MGST1: variants seen among roughly 807,000 people sequenced by gnomAD.
MGST1 encodes the protein glutathione S-transferase 12.
In MGST1, 5 loss-of-function variants were observed where a neutral mutation model predicts 8.9. The ratio of observed to expected loss-of-function variants is 0.56; its 90% CI spans 0.29 to 1.19. MGST1 has a LOEUF of 1.19. Ranked by LOEUF, MGST1 falls within the 50% of genes most tolerant of loss-of-function variation. MGST1 has a pLI of 0.08. For synonymous variants in MGST1, 54 were observed against 67.8 expected (o/e 0.80, Z 1.00); for missense variants, 182 against 187.4 (o/e 0.97, Z 0.17).
chr12:16,570,102 G>T (rs1942763716), intron 4 of MGST1, among the ~76,000 whole-genome samples: 1 of 152,080 alleles, frequency 6.6e-6, no homozygotes, highest in South Asian at 2.1e-4. Flanking sequence ...AATGCTAATT[G>T]GAATATGCTT....
chr12:16,441,691 T>G (rs1255741293), downstream of MGST1, among the ~76,000 whole-genome samples: 2 of 151,844 alleles, frequency 1.3e-5, no homozygotes, highest in Admixed American at 6.6e-5. Flanking sequence ...TGCTGAATAA[T>G]ACTCCATTGT....
At chr12:16,499,467 T>C (rs1219483982) in intron 4 of MGST1, among the ~76,000 whole-genome samples, 3 of 152,178 alleles carry the variant, frequency 2.0e-5, no homozygotes, top group African/African-American at 7.2e-5. Flanking sequence ...CCCTGTTTTT[T>C]GTAGAACTAT....
intron 4 of MGST1, among the ~76,000 whole-genome samples, chr12:16,521,238 C>T (rs1199660398): frequency 6.6e-6 from 1 of 152,044 alleles, no homozygotes; most frequent in African/African-American, 2.4e-5. Context: ...AATCAGTAGA[C>T]TATCTTGTCA....
intron 1 of MGST1, among the ~76,000 whole-genome samples, chr12:16,404,507 T>C (rs1347707181): frequency 6.6e-6 from 1 of 152,016 alleles, no homozygotes; most frequent in East Asian, 1.9e-4. Context: ...TTTATTCTTT[T>C]TTCTCTATTA....
intron 4 of MGST1, among the ~76,000 whole-genome samples, chr12:16,556,588 C>T (rs1942199007): frequency 6.6e-6 from 1 of 152,166 alleles, no homozygotes; most frequent in Admixed American, 6.5e-5. Flanking sequence ...ATAAAGTTTG[C>T]TTAAGAGAAA....
At position 16,513,883 on chromosome 12, in the gene MGST1, A is replaced by G; in HGVS notation, n.483-75645A>G. The G allele has an allele frequency of 1.7e-6, 1 of 602,958 alleles. No individual in the cohort carries two copies. The highest frequency in any genetic ancestry group is 3.2e-6 in the Non-Finnish European group (1 of 312,120). 37.4% of individuals were successfully genotyped at this position (602,958 alleles called of 1,614,324 possible). A position where few individuals can be genotyped will look rare whatever the true frequency, so the allele number is the denominator to read the frequency against. On this transcript the variant is annotated intron_variant and non_coding_transcript_variant, in intron 4 of 4. Transcript: ENST00000538857. This position sits in a 1 kb window ranked among gnomAD's most constrained non-coding sequence, Gnocchi z 4.2. ...ACCAACCTGGGGAAGTCGCACACCC[A>G]TCTTCAGGGATACTGGCATGCAGCT...
In MGST1 at chr12:16,363,430, A is replaced by C. The variant is rs1940087828; in HGVS notation, c.222-365A>C. Reference sequence around the variant, plus strand: ...AGGGTTTTCTTCCTTCGGGAGAAAGAATTTTTATAAAAAGAATCTTGAATT... The same window carrying C: ...AGGGTTTTCTTCCTTCGGGAGAAAGCATTTTTATAAAAAGAATCTTGAATT... On this transcript the variant is annotated intron_variant, in intron 3 of 3. Transcript: ENST00000396210. The surrounding 1 kb of genome is among the most constrained non-coding windows in gnomAD (Gnocchi z 4.6). 6.5e-6 allele frequency: 1 copy of C among 153,202 alleles called. No homozygotes were observed. Among genetic ancestry groups the C allele is most frequent in the African/African-American group, 2.4e-5 (1 of 41,504 alleles). The allele number at this position is 153,202 out of a possible 1,614,324, so 9.5% of individuals were successfully genotyped here.
chr12:16,419,775 A>C (rs1452855331), intron 1 of MGST1, among the ~76,000 whole-genome samples: 2 of 152,148 alleles, frequency 1.3e-5, no homozygotes, highest in Non-Finnish European at 2.9e-5. Flanking sequence ...TGATGGCCGT[A>C]ATCTTTGCCT....
rs11056990 is a variant in MGST1 at position 16,535,409 on chromosome 12, C to T, written n.483-54119C>T. Among the ~76,000 whole-genome samples the T allele has an allele frequency of 8.4e-3, 1,280 of 152,196 alleles. 53 individuals carry two copies. The East Asian group carries it at 0.14, about 16-fold the overall frequency. On this transcript the variant is annotated intron_variant and non_coding_transcript_variant, in intron 4 of 4. Transcript: ENST00000538857. ...GATATTTAGAAATTTGGGGGACCTA[C>T]TAAGAATTATAAAGAGTTTTAGTAT...
rs570204085 is a variant in MGST1, at chr12:16,454,665, C to G, written n.482+71061C>G. ...TTCACATATTTCATTTCTGACGTCA[C>G]AGAATAACCTGTAGAAATGTAGAGG... is the stretch of plus-strand genomic sequence containing the variant. On this transcript the variant is annotated intron_variant and non_coding_transcript_variant, in intron 4 of 4. Coordinates refer to the MGST1 transcript ENST00000538857. Among the ~76,000 whole-genome samples the G allele has an allele frequency of 4.1e-4, 62 of 151,736 alleles. 1 individual carries two copies. Among genetic ancestry groups the G allele is most frequent in the African/African-American group, 1.5e-3 (61 of 41,396 alleles).
chr12:16,542,703 C>T (rs764575292), intron 4 of MGST1, among the ~76,000 whole-genome samples: 4 of 152,130 alleles, frequency 2.6e-5, no homozygotes, highest in Non-Finnish European at 5.9e-5. Context: ...TTTACCAAGC[C>T]GTCTTGACTA....
chr12:16,550,597 G>T (rs1420768123), intron 4 of MGST1: 1 of 152,258 alleles, frequency 6.6e-6, no homozygotes, highest in Non-Finnish European at 1.5e-5. Context: ...AAAATAGGGG[G>T]TTATAACAAG....
chr12:16,501,794 A>G (rs943718210), intron 4 of MGST1, among the ~76,000 whole-genome samples: 1 of 152,180 alleles, frequency 6.6e-6, no homozygotes, highest in Non-Finnish European at 1.5e-5. Context: ...TATCTCCATA[A>G]GAGAATGCTA....
intron 4 of MGST1, among the ~76,000 whole-genome samples, chr12:16,543,773 T>C (rs1474157981): frequency 2.6e-5 from 4 of 152,126 alleles, no homozygotes; most frequent in African/African-American, 4.8e-5. Context: ...GTTCACAGTC[T>C]CAAACAGTTT....
chr12:16,420,372 G>A (rs1296207120), intron 1 of MGST1, among the ~76,000 whole-genome samples: 8 of 152,132 alleles, frequency 5.3e-5, no homozygotes, highest in Non-Finnish European at 8.8e-5. Flanking sequence ...TGGCATGAAA[G>A]CCATTAAACT....
chr12:16,587,850 C>T lies in MGST1; in HGVS notation n.483-1678C>T, dbSNP rs1943369559. On this transcript the variant is annotated intron_variant and non_coding_transcript_variant, in intron 4 of 4. Transcript: ENST00000538857. The surrounding 1 kb of genome is among the most constrained non-coding windows in gnomAD (Gnocchi z 4.3). ...AGAGGAACCTTGTCTCATATTAATG[C>T]TGCCAGTAGCTATGGTATAGTGTTA... 6.6e-6 allele frequency among the ~76,000 whole-genome samples: 1 copy of T among 152,026 alleles called. No homozygotes were observed. Among genetic ancestry groups the T allele is most frequent in the Admixed American group, 6.6e-5 (1 of 15,248 alleles).
rs935384279 is a variant in MGST1, at chr12:16,360,342, C to T, written c.221+2643C>T. 8.1e-6 allele frequency: 8 copies of T among 985,042 alleles called. No homozygotes were observed. The African/African-American group carries it at 1.4e-4, about 17-fold the overall frequency. The allele number at this position is 985,042 out of a possible 1,614,324, so 61.0% of individuals were successfully genotyped here. On this transcript the variant is annotated intron_variant, in intron 3 of 3. Transcript: ENST00000396210. ...CGATTAGCATATTTGAACGGCAGAGCCAGAATGGGGCTACAAATGAAGTGA... is the reference window on the plus strand; with the variant it reads ...CGATTAGCATATTTGAACGGCAGAGTCAGAATGGGGCTACAAATGAAGTGA...
At chr12:16,580,123 C>T (rs1591805583) in intron 4 of MGST1, among the ~76,000 whole-genome samples, 1 of 152,090 alleles carries the variant, frequency 6.6e-6, no homozygotes, top group East Asian at 1.9e-4. Context: ...ACAAAATATA[C>T]ACCTACGTTA....
exon 1 of MGST1, chr12:16,383,461 T>C (rs1940476175): frequency 6.6e-6 from 1 of 152,124 alleles, no homozygotes; most frequent in South Asian, 2.1e-4. Flanking sequence ...TTTTCTTTTC[T>C]TTTTTCTTTT....
Sources: gnomAD v4.1 joint callset for allele counts (sites outside exome capture counted in the v4.1 genomes callset) on GRCh38, gnomAD v4.1.1 for gene constraint, Gnocchi (gnomAD v3.1) non-coding constraint, MANE v1.5 for transcripts, NCBI Gene and HGNC (gene_info 2026-07-23, HGNC 2026-07-21) for gene names.